Variants in WDR25 observed in about 807,000 individuals in gnomAD.
The protein encoded by WDR25 is WD repeat-containing protein 25.
A neutral mutation model predicts 47.7 loss-of-function variants in WDR25; 35 were observed. That is an observed-to-expected ratio of 0.73 (90% CI 0.56 to 0.97). The LOEUF is 0.97. WDR25 is among the 50% of genes least tolerant of loss of function. The pLI is 0.00. For missense variants in WDR25, 634 were observed against 704.7 expected (o/e 0.90, Z 1.14); for synonymous variants, 248 against 278.9 (o/e 0.89, Z 1.10).
At chr14:100,427,877 A>G (rs905642285) in intron 2 of WDR25, among the ~76,000 whole-genome samples, 17 of 152,178 alleles carry the variant, frequency 1.1e-4, no homozygotes, top group African/African-American at 3.6e-4. Flanking sequence ...TCTCAGTGTC[A>G]GGAGATGACT....
chr14:100,500,741 G>A lies in WDR25; in HGVS notation c.1101+16617G>A, dbSNP rs563871805. ...AGGGTGCGTGGAGGAGGCAGCTGCA[G>A]GTGGTACTGCGAGGCAGGGGCCTGG... On this transcript the variant is annotated intron_variant, in intron 4 of 6. Transcript: ENST00000402312. The surrounding 1 kb of genome is among the most constrained non-coding windows in gnomAD (Gnocchi z 4.7). Among the ~76,000 whole-genome samples, 2 of 152,240 alleles carry A rather than the reference G, an allele frequency of 1.3e-5. No individual in the cohort carries two copies. The highest frequency in any genetic ancestry group is 4.1e-4 in the South Asian group (2 of 4,824).
intron 2 of WDR25, among the ~76,000 whole-genome samples, chr14:100,419,781 T>C (rs908955540): frequency 4.6e-5 from 7 of 152,210 alleles, no homozygotes; most frequent in Non-Finnish European, 1.0e-4. Context: ...TAGGATGATG[T>C]TGTGAACACA....
intron 3 of WDR25, among the ~76,000 whole-genome samples, chr14:100,478,106 A>C (rs1900078689): frequency 1.1e-5 from 1 of 93,810 alleles, no homozygotes; most frequent in Non-Finnish European, 2.2e-5. Context: ...AACAAAACAA[A>C]ACAAAACAAA....
intron 2 of WDR25, among the ~76,000 whole-genome samples, chr14:100,387,889 T>G (rs914821435): frequency 1.3e-5 from 2 of 152,242 alleles, no homozygotes; most frequent in Non-Finnish European, 2.9e-5. Flanking sequence ...AGATGATTTC[T>G]GGGGTGGTTT....
At chr14:100,469,649 G>T (rs1899762966) in intron 3 of WDR25, among the ~76,000 whole-genome samples, 1 of 152,240 alleles carries the variant, frequency 6.6e-6, no homozygotes, top group African/African-American at 2.4e-5. Flanking sequence ...GACTCAGGGA[G>T]TTTGATGCCA....
chr14:100,460,467 A>G (rs958428033), intron 2 of WDR25, among the ~76,000 whole-genome samples: 1 of 152,202 alleles, frequency 6.6e-6, no homozygotes, highest in Non-Finnish European at 1.5e-5. Flanking sequence ...ATATATGTGC[A>G]TATCATGACC....
In WDR25 at chr14:100,499,763, T is replaced by C. The variant is rs149520596; in HGVS notation, c.1101+15639T>C. On this transcript the variant is annotated intron_variant, in intron 4 of 6. Coordinates refer to ENST00000402312, the MANE Select transcript of WDR25 (RefSeq NM_001161476.3). The surrounding 1 kb of genome is among the most constrained non-coding windows in gnomAD (Gnocchi z 4.4). Reference sequence around the variant, plus strand: ...CTCCTTCCTTCCAGAGCTCCTGTCCTGGGCTGTGGAATGGGTCCCAGGGGG... The same window carrying C: ...CTCCTTCCTTCCAGAGCTCCTGTCCCGGGCTGTGGAATGGGTCCCAGGGGG... 3.0e-4 allele frequency among the ~76,000 whole-genome samples: 45 copies of C among 152,258 alleles called. 1 individual carries two copies. In the East Asian group the frequency reaches 7.5e-3, roughly 25 times the overall value.
At chr14:100,469,595 T>TTCCC (rs1326571094) in intron 3 of WDR25, among the ~76,000 whole-genome samples, 1 of 152,190 alleles carries the variant, frequency 6.6e-6, no homozygotes, top group Non-Finnish European at 1.5e-5. Flanking sequence ...CACAAAGCAC[T>TTCCC]TCCCTGGTCT....
chr14:100,386,980 T>C (rs1188039543), intron 2 of WDR25, among the ~76,000 whole-genome samples: 1 of 151,952 alleles, frequency 6.6e-6, no homozygotes, highest in Non-Finnish European at 1.5e-5. Flanking sequence ...CCTGATTAGA[T>C]TGGCAAACCT....
chr14:100,410,535 G>A (rs529102723), intron 2 of WDR25, among the ~76,000 whole-genome samples: 1 of 152,134 alleles, frequency 6.6e-6, no homozygotes, highest in Non-Finnish European at 1.5e-5. Flanking sequence ...AAATGGCTGG[G>A]TGGGTAGGGG....
intron 2 of WDR25, among the ~76,000 whole-genome samples, chr14:100,459,535 C>T (rs535346546): frequency 1.3e-5 from 2 of 152,138 alleles, no homozygotes; most frequent in East Asian, 3.9e-4. Context: ...CAAAAGGTAG[C>T]TTTATTTGGA....
chr14:100,496,812 C>G (rs374931067), intron 4 of WDR25, among the ~76,000 whole-genome samples: 1 of 104,532 alleles, frequency 9.6e-6, no homozygotes, highest in African/African-American at 3.3e-5. Context: ...TTTTCTTTTT[C>G]TTTTTTTCTT....
chr14:100,435,734 G>T (rs985298188), intron 2 of WDR25, among the ~76,000 whole-genome samples: 1 of 152,236 alleles, frequency 6.6e-6, no homozygotes, highest in African/African-American at 2.4e-5. Context: ...GGAAGGTGCT[G>T]TCCTGACTTC....
intron 4 of WDR25, among the ~76,000 whole-genome samples, chr14:100,493,896 T>TC (rs1389407772): frequency 6.6e-6 from 1 of 152,138 alleles, no homozygotes; most frequent in African/African-American, 2.4e-5. Flanking sequence ...TGAATCTCTC[T>TC]CCACCACGTG....
intron 2 of WDR25, among the ~76,000 whole-genome samples, chr14:100,441,403 G>A (rs1283926937): frequency 6.6e-6 from 1 of 152,154 alleles, no homozygotes; most frequent in Non-Finnish European, 1.5e-5. Flanking sequence ...GGAAGGCAGT[G>A]CAGGGGGTGG....
chr14:100,394,109 G>A (rs1421306614), intron 2 of WDR25, among the ~76,000 whole-genome samples: 8 of 152,218 alleles, frequency 5.3e-5, no homozygotes, highest in Non-Finnish European at 1.0e-4. Context: ...CCAAGCCGGG[G>A]TTTATTCTGT....
chr14:100,514,713 A>G (rs1301807106), intron 4 of WDR25, among the ~76,000 whole-genome samples: 1 of 152,046 alleles, frequency 6.6e-6, no homozygotes, highest in Non-Finnish European at 1.5e-5. Context: ...CAACATTGTT[A>G]TTATTTTTGC....
intron 2 of WDR25, among the ~76,000 whole-genome samples, chr14:100,426,189 G>A (rs983589201): frequency 6.6e-6 from 1 of 152,220 alleles, no homozygotes; most frequent in Non-Finnish European, 1.5e-5. Flanking sequence ...CAAAATTATT[G>A]AAAAGTCAGT....
At chr14:100,405,713 C>T (rs554722392) in intron 2 of WDR25, among the ~76,000 whole-genome samples, 60 of 152,322 alleles carry the variant, frequency 3.9e-4, no homozygotes, top group African/African-American at 1.1e-3. Flanking sequence ...AGCTCTGTGG[C>T]GCATGGATTG....
Sources: allele counts gnomAD v4.1 joint callset (sites outside exome capture counted in the v4.1 genomes callset), GRCh38; gene constraint gnomAD v4.1.1; non-coding constraint Gnocchi (gnomAD v3.1); transcripts MANE v1.5; gene names NCBI Gene and HGNC (gene_info 2026-07-23, HGNC 2026-07-21).